Variants in RELN observed in about 807,000 individuals in gnomAD.
RELN encodes reelin.
RELN carries 108 observed loss-of-function variants against 427.6 expected under a neutral mutation model. That is an observed-to-expected ratio of 0.25 (90% CI 0.22 to 0.30). The LOEUF (loss-of-function observed/expected upper bound fraction) is 0.30. RELN is among the 10% of genes least tolerant of loss of function. The pLI is 1.00. For synonymous variants in RELN, 1,524 were observed against 1,513.4 expected (o/e 1.01, Z -0.16); for missense variants, 3,715 against 4,302.8 (o/e 0.86, Z 3.82).
intron 62 of RELN, 70 bp from the exon 63 acceptor site, chr7:103,483,041 G>T: frequency 3.4e-6 from 4 of 1,178,632 alleles, no homozygotes; most frequent in Non-Finnish European, 5.1e-6. Flanking sequence ...TTGACTTCTA[G>T]ATGTCAAATA....
chr7:103,504,198 C>T (rs898814365), intron 51 of RELN, among the ~76,000 whole-genome samples: 11 of 151,812 alleles, frequency 7.2e-5, no homozygotes, highest in South Asian at 2.1e-4. Flanking sequence ...AGCAAGACTC[C>T]GTCTCAGAAA....
intron 38 of RELN, among the ~76,000 whole-genome samples, chr7:103,554,985 G>C (rs984109721): frequency 2.0e-5 from 3 of 152,108 alleles, no homozygotes; most frequent in African/African-American, 7.2e-5. Context: ...TAATACAGAA[G>C]AAAAATATTC....
chr7:103,701,116 G>A, intron 8 of RELN, 110 bp from the exon 9 acceptor site: 1 of 717,742 alleles, frequency 1.4e-6, no homozygotes, highest in Admixed American at 2.0e-5. Flanking sequence ...TATTTGTCTG[G>A]TAACTTCCCC....
chr7:103,771,063 C>A (rs770602187), intron 4 of RELN, among the ~76,000 whole-genome samples: 41 of 151,796 alleles, frequency 2.7e-4, no homozygotes, highest in Non-Finnish European at 4.9e-4. Flanking sequence ...CTACAGGCAC[C>A]TGCCACCATG....
At chr7:103,682,396 G>C (rs1833674894) in intron 10 of RELN, 135 bp from the exon 11 acceptor site, 1 of 888,836 alleles carries the variant, frequency 1.1e-6, no homozygotes, top group South Asian at 1.4e-5. Context: ...AATCAAAAGA[G>C]CTTGTTACCT....
In RELN at chr7:103,651,740, G is replaced by A. The variant is rs762608682; in HGVS notation, c.1813C>T (p.His605Tyr). 3 of 1,611,832 alleles carry A rather than the reference G, an allele frequency of 1.9e-6. No homozygotes were observed. Among genetic ancestry groups the A allele is most frequent in the Middle Eastern group, 1.6e-4 (1 of 6,066 alleles). Residue 605 changes from histidine (H) to tyrosine (Y), a missense_variant, in exon 15 of 65, where the codon CAC becomes TAC. Around this residue, in one of 4 missense-constraint regions of RELN, gnomAD observed 2,208 missense variants for 2,361.7 expected, o/e 0.93. Transcript: ENST00000428762. ...TNHGRSWSLL[H>Y]TECLPEICAG... ...CAGATCTCAGGTAAGCATTCAGTGTGAAGGAGGGACCAGGAGCGCCCATGG... is the reference window on the plus strand; with the variant it reads ...CAGATCTCAGGTAAGCATTCAGTGTAAAGGAGGGACCAGGAGCGCCCATGG...
chr7:103,735,349 T>C (rs1454190935), intron 6 of RELN, among the ~76,000 whole-genome samples: 1 of 152,142 alleles, frequency 6.6e-6, no homozygotes, highest in Non-Finnish European at 1.5e-5. Context: ...TCTGAAGATA[T>C]AACTGGGTTT....
intron 1 of RELN, among the ~76,000 whole-genome samples, chr7:103,976,853 C>A (rs1168280713): frequency 6.6e-6 from 1 of 152,128 alleles, no homozygotes; most frequent in Non-Finnish European, 1.5e-5. Flanking sequence ...GAGTTCAAGA[C>A]CAGCCTGGGC....
At position 103,636,230 on chromosome 7, in the gene RELN, C is replaced by T. The variant is rs1275190555; in HGVS notation, c.2303+5G>A. 2 of 1,599,254 alleles carry T rather than the reference C, an allele frequency of 1.3e-6. No individual in the cohort carries two copies. The highest frequency in any genetic ancestry group is 1.7e-6 in the Non-Finnish European group (2 of 1,166,720). ...TTGTATGTATTCTACCCTGCCTTCA[C>T]TCACCTGGATTGTGAGCTGTCAAGG... On this transcript the variant is annotated splice_donor_5th_base_variant and intron_variant, in intron 18 of 64. Coordinates refer to ENST00000428762, the MANE Select transcript of RELN (RefSeq NM_005045.4).
rs1439870596 is a variant in RELN, at chr7:103,503,174, C to T, written c.8331G>A (p.Gln2777=). 1 of 1,614,192 alleles carries T rather than the reference C, an allele frequency of 6.2e-7. No individual in the cohort carries two copies. Among genetic ancestry groups the T allele is most frequent in the Non-Finnish European group, 8.5e-7 (1 of 1,180,042 alleles). The change falls in exon 52 of 65, where the codon CAG becomes CAA. Residue 2777 remains glutamine, a synonymous_variant. Coordinates refer to ENST00000428762, the MANE Select transcript of RELN (RefSeq NM_005045.4). The stretch of plus-strand genomic sequence containing the variant: ...AACTCACACCGAAGTCAGTAGAATA[C>T]TGCACATGAATTTGATTCTGGGCAA... ...EKIAQNQIHV[Q]YSTDFGVSWN...
chr7:103,651,876 T>C (rs1044169294), intron 14 of RELN, 87 bp from the exon 15 acceptor site: 13 of 1,363,124 alleles, frequency 9.5e-6, no homozygotes, highest in African/African-American at 8.6e-5. Flanking sequence ...GTTAAGTACA[T>C]TAAACAACTG....
At chr7:103,726,024 C>T (rs2115923191) in intron 7 of RELN, among the ~76,000 whole-genome samples, 1 of 152,196 alleles carries the variant, frequency 6.6e-6, no homozygotes, top group South Asian at 2.1e-4. Flanking sequence ...AATAAGAAGG[C>T]ATATTGTTTA....
intron 4 of RELN, among the ~76,000 whole-genome samples, chr7:103,761,084 TA>T (rs1791287081): frequency 6.6e-6 from 1 of 152,206 alleles, no homozygotes; most frequent in African/African-American, 2.4e-5. Flanking sequence ...GAACCAGCAA[TA>T]TTAGGAATTA....
intron 7 of RELN, among the ~76,000 whole-genome samples, chr7:103,727,595 C>T (rs947130251): frequency 9.2e-5 from 14 of 152,126 alleles, no homozygotes; most frequent in Admixed American, 8.5e-4. Flanking sequence ...AAATAATCTG[C>T]TTCTAAGTAA....
intron 1 of RELN, among the ~76,000 whole-genome samples, chr7:103,963,756 T>TA (rs1714905129): frequency 6.6e-6 from 1 of 152,256 alleles, no homozygotes. Flanking sequence ...GTTATGGGGA[T>TA]ATCAGTATCT....
intron 1 of RELN, among the ~76,000 whole-genome samples, chr7:103,981,632 T>C (rs1796992026): frequency 6.6e-6 from 1 of 152,164 alleles, no homozygotes; most frequent in Non-Finnish European, 1.5e-5. Context: ...ACAACTTAAT[T>C]TTTCTCACAA....
intron 49 of RELN, among the ~76,000 whole-genome samples, chr7:103,515,834 T>C (rs1179684697): frequency 6.6e-6 from 1 of 152,200 alleles, no homozygotes; most frequent in African/African-American, 2.4e-5. Flanking sequence ...CTTCCTTCCC[T>C]GGCACCTTGT....
At chr7:103,881,438 G>C (rs557365918) in intron 2 of RELN, among the ~76,000 whole-genome samples, 1 of 151,936 alleles carries the variant, frequency 6.6e-6, no homozygotes, top group African/African-American at 2.4e-5. Flanking sequence ...ATCATCATCA[G>C]AGACAGAAAG....
intron 3 of RELN, among the ~76,000 whole-genome samples, chr7:103,814,244 A>C (rs1792814583): frequency 2.6e-5 from 4 of 152,216 alleles, no homozygotes; most frequent in African/African-American, 9.6e-5. Context: ...AAATTAGAAG[A>C]ATGAGGCAAT....
Sources: allele counts gnomAD v4.1 joint callset (sites outside exome capture counted in the v4.1 genomes callset), GRCh38; gene constraint gnomAD v4.1.1; regional missense constraint gnomAD v4.1.1; transcripts MANE v1.5; gene names NCBI Gene and HGNC (gene_info 2026-07-23, HGNC 2026-07-21).